The following CYB5R4 variants were observed in gnomAD, a reference collection of about 807,000 sequenced individuals.
The protein encoded by CYB5R4 is N-terminal cytochrome b5 and cytochrome b5 oxidoreductase domain-containing protein.
CYB5R4 carries 55 observed loss-of-function variants against 70.2 expected under a neutral mutation model. That is an observed-to-expected ratio of 0.78 (90% CI 0.63 to 0.98). The LOEUF (loss-of-function observed/expected upper bound fraction) is 0.98, where lower values mean the gene tolerates loss of function less well. CYB5R4 is among the 50% of genes least tolerant of loss of function. CYB5R4 has a pLI of 0.00. For missense variants in CYB5R4, 562 were observed against 612.6 expected (o/e 0.92, Z 0.87); for synonymous variants, 197 against 199.5 (o/e 0.99, Z 0.11).
At position 83,963,686 on chromosome 6, in the gene CYB5R4, C is replaced by T. The variant is rs951797154; in HGVS notation, c.*3808C>T. 6.6e-6 allele frequency: 1 copy of T among 152,130 alleles called. No homozygotes were observed. The highest frequency in any genetic ancestry group is 2.4e-5 in the African/African-American group (1 of 41,406). The allele number at this position is 152,130 out of a possible 1,614,324, so 9.4% of individuals were successfully genotyped here. ...GTTAAAGTTCTCTTTTGATGCATATCCCCCATTCATGGAATGGAAGCATTA... is the reference window on the plus strand; with the variant it reads ...GTTAAAGTTCTCTTTTGATGCATATTCCCCATTCATGGAATGGAAGCATTA... On this transcript the variant is annotated 3_prime_UTR_variant, in exon 16 of 16. Coordinates refer to ENST00000369681, the MANE Select transcript of CYB5R4 (RefSeq NM_016230.4).
chr6:83,876,178 A>G (rs1416805341), intron 2 of CYB5R4, among the ~76,000 whole-genome samples: 1 of 152,242 alleles, frequency 6.6e-6, no homozygotes, highest in Admixed American at 6.5e-5. Flanking sequence ...TGGTCTATCA[A>G]TTCAAATGTG....
At chr6:83,947,763 T>G (rs1435730943) in intron 14 of CYB5R4, among the ~76,000 whole-genome samples, 2 of 152,000 alleles carry the variant, frequency 1.3e-5, no homozygotes, top group Non-Finnish European at 2.9e-5. Flanking sequence ...ATAGAAGACA[T>G]TTATGCAGCC....
At chr6:83,923,743 G>A (rs1464648768) in intron 9 of CYB5R4, among the ~76,000 whole-genome samples, 1 of 151,908 alleles carries the variant, frequency 6.6e-6, no homozygotes. Flanking sequence ...GGCTCTTCTT[G>A]TGTTTAGTAG....
chr6:83,955,237 A>T, intron 14 of CYB5R4, 61 bp from the exon 15 acceptor site: 1 of 1,329,268 alleles, frequency 7.5e-7, no homozygotes, highest in Non-Finnish European at 1.0e-6. Context: ...CTTGAACTTG[A>T]AACATGTTAA....
chr6:83,890,694 A>T (rs1402696157), intron 2 of CYB5R4, among the ~76,000 whole-genome samples: 1 of 152,150 alleles, frequency 6.6e-6, no homozygotes, highest in Non-Finnish European at 1.5e-5. Context: ...GAGTCAGTTG[A>T]AGGGCAAACT....
At chr6:83,936,110 T>TTAGGTATA in intron 11 of CYB5R4, 114 bp from the exon 12 acceptor site, 1 of 648,542 alleles carries the variant, frequency 1.5e-6, no homozygotes, top group East Asian at 2.9e-5. Flanking sequence ...TATATGCCCA[T>TTAGGTATA]TAGGTATATA....
At chr6:83,876,156 A>C (rs1422106516) in intron 2 of CYB5R4, among the ~76,000 whole-genome samples, 1 of 152,186 alleles carries the variant, frequency 6.6e-6, no homozygotes, top group East Asian at 1.9e-4. Flanking sequence ...ACAGTTCTCT[A>C]ATATAGATTC....
Position 83,893,548 on chromosome 6 carries a change from A to G in CYB5R4, c.256A>G (p.Met86Val), listed in dbSNP as rs767501609. The change falls in exon 3 of 16, where the codon ATG (methionine) becomes GTG (valine). Residue 86 changes from methionine (M) to valine (V), a missense_variant. Coordinates refer to ENST00000369681, the MANE Select transcript of CYB5R4 (RefSeq NM_016230.4). ...RGFVYNVSPY[M>V]EYHPGGEDEL... ...TTTCGTTTATAATGTCAGCCCTTAT[A>G]TGGAGTATCATCCTGGTGGAGAAGA... The G allele has an allele frequency of 1.7e-5, 27 of 1,612,270 alleles. No individual in the cohort carries two copies. Among genetic ancestry groups the G allele is most frequent in the African/African-American group, 2.7e-5 (2 of 74,888 alleles).
At chr6:83,936,767 C>T (rs894113130) in intron 12 of CYB5R4, among the ~76,000 whole-genome samples, 5 of 152,180 alleles carry the variant, frequency 3.3e-5, no homozygotes, top group East Asian at 1.9e-4. Flanking sequence ...CCTACTGCTT[C>T]GCAGCTTTGA....
At chr6:83,871,388 A>T (rs935225752) in intron 2 of CYB5R4, among the ~76,000 whole-genome samples, 1 of 152,198 alleles carries the variant, frequency 6.6e-6, no homozygotes, top group South Asian at 2.1e-4. Flanking sequence ...TCTTACTAAC[A>T]TCTAAGATTA....
At chr6:83,929,789 G>T (rs2099467879) in intron 10 of CYB5R4, among the ~76,000 whole-genome samples, 1 of 151,912 alleles carries the variant, frequency 6.6e-6, no homozygotes, top group South Asian at 2.1e-4. Flanking sequence ...TGGAGTCTTG[G>T]ATCACCAAAC....
chr6:83,934,581 G>T lies in CYB5R4; in HGVS notation c.815-14G>T. The stretch of plus-strand genomic sequence containing the variant: ...ACTTTATGTATCAATAAGAGAAAAT[G>T]AATCACTTTTTAGGTTTGTACTACA... On this transcript the variant is annotated splice_polypyrimidine_tract_variant and intron_variant, in intron 10 of 15. Transcript: ENST00000369681. The T allele has an allele frequency of 1.3e-6, 2 of 1,581,482 alleles. No individual in the cohort carries two copies. The highest frequency in any genetic ancestry group is 1.7e-6 in the Non-Finnish European group (2 of 1,155,064).
In CYB5R4 at chr6:83,961,950, T is replaced by A. The variant is rs1026974827; in HGVS notation, c.*2072T>A. 3 of 151,996 alleles carry A rather than the reference T, an allele frequency of 2.0e-5. No individual in the cohort carries two copies. The highest frequency in any genetic ancestry group is 2.0e-4 in the Admixed American group (3 of 15,252). 9.4% of individuals were successfully genotyped at this position (151,996 alleles called of 1,614,324 possible). ...ATATTTTGTTATATTTATATTTTGT[T>A]TATATTTTAAAACAAATCCATAAGT... On this transcript the variant is annotated 3_prime_UTR_variant, in exon 16 of 16. Transcript: ENST00000369681.
intron 3 of CYB5R4, among the ~76,000 whole-genome samples, chr6:83,894,173 T>A (rs1428651478): frequency 6.6e-6 from 1 of 152,348 alleles, no homozygotes; most frequent in East Asian, 1.9e-4. Context: ...GATATTTAAA[T>A]TAGTCACTTT....
chr6:83,903,866 T>C (rs2099463374), intron 3 of CYB5R4, among the ~76,000 whole-genome samples: 1 of 152,144 alleles, frequency 6.6e-6, no homozygotes, highest in Non-Finnish European at 1.5e-5. Context: ...TGATCCTTTG[T>C]ATTTCTTTGG....
At chr6:83,956,202 G>A (rs1267126876) in intron 15 of CYB5R4, among the ~76,000 whole-genome samples, 1 of 152,150 alleles carries the variant, frequency 6.6e-6, no homozygotes, top group East Asian at 1.9e-4. Context: ...GCCAAATATA[G>A]TGACCGTGGC....
At chr6:83,900,056 G>T (rs1010764206) in intron 3 of CYB5R4, among the ~76,000 whole-genome samples, 1 of 152,120 alleles carries the variant, frequency 6.6e-6, no homozygotes, top group Non-Finnish European at 1.5e-5. Context: ...TAATTGTGAT[G>T]TTAGGGTGTC....
At chr6:83,939,190 T>G (rs1407022769) in intron 12 of CYB5R4, among the ~76,000 whole-genome samples, 3 of 152,176 alleles carry the variant, frequency 2.0e-5, no homozygotes, top group African/African-American at 7.2e-5. Context: ...TATCCTGCAA[T>G]GGAAAACAGG....
At chr6:83,890,954 T>A (rs939391191) in intron 2 of CYB5R4, among the ~76,000 whole-genome samples, 2 of 149,220 alleles carry the variant, frequency 1.3e-5, no homozygotes, top group African/African-American at 5.1e-5. Flanking sequence ...TAACTGTTAT[T>A]TATTTTAGAG....
Sources: gnomAD v4.1 joint callset for allele counts (sites outside exome capture counted in the v4.1 genomes callset) on GRCh38, gnomAD v4.1.1 for gene constraint, MANE v1.5 for transcripts, NCBI Gene and HGNC (gene_info 2026-07-23, HGNC 2026-07-21) for gene names.